NOTCH4: variants seen among roughly 807,000 people sequenced by gnomAD.
NOTCH4 encodes notch receptor 4.
Under a neutral mutation model 189.0 loss-of-function variants are expected in NOTCH4, and 138 were observed. The ratio of observed to expected loss-of-function variants is 0.73; its 90% CI spans 0.64 to 0.84. NOTCH4 has a LOEUF of 0.84. Ranked by LOEUF, NOTCH4 falls within the 40% of genes least tolerant of loss-of-function variation. The pLI, the probability that NOTCH4 is intolerant of heterozygous loss-of-function variation, is 0.00. For synonymous variants in NOTCH4, 942 were observed against 1,032.8 expected, an observed-to-expected ratio of 0.91 and a Z score of 1.69; for missense variants, 2,286 against 2,605.4, an observed-to-expected ratio of 0.88 and a Z score of 2.67.
chr6:32,206,826 T>A (rs1028614428), intron 18 of NOTCH4, among the ~76,000 whole-genome samples: 5 of 152,148 alleles, frequency 3.3e-5, no homozygotes, highest in Admixed American at 3.3e-4. Flanking sequence ...CAAAACAGCA[T>A]GGTGCTGGCA....
rs761090341 is a variant in NOTCH4 at position 32,197,609 on chromosome 6, G to C, written c.4757-15C>G. The stretch of plus-strand genomic sequence containing the variant: ...TGTCACCCCATCTGTTGGTAAGACA[G>C]AGTAATGGGTCAATCTAAAGGACAC... On this transcript the variant is annotated splice_polypyrimidine_tract_variant and intron_variant, in intron 26 of 29. Coordinates refer to ENST00000375023, the MANE Select transcript of NOTCH4 (RefSeq NM_004557.4). 3 of 1,598,730 alleles carry C rather than the reference G, an allele frequency of 1.9e-6. No homozygotes were observed. In the South Asian group the frequency reaches 3.4e-5, roughly 18 times the overall value.
At position 32,210,624 on chromosome 6, in the gene NOTCH4, G is replaced by T; in HGVS notation, c.2865+128C>A. 5.9e-6 allele frequency: 5 copies of T among 851,378 alleles called. No homozygotes were observed. Among genetic ancestry groups the T allele is most frequent in the Non-Finnish European group, 7.5e-6 (4 of 534,392 alleles). The allele number at this position is 851,378 out of a possible 1,614,324, so 52.7% of individuals were successfully genotyped here. A position where few individuals can be genotyped will look rare whatever the true frequency, so the allele number is the denominator to read the frequency against. ...AAGTGGCATGACTTTGTGGTTAGTT[G>T]GGTGTGTGGGGTTAAAAAAAATAAA... On this transcript the variant is annotated intron_variant, in intron 18 of 29. Transcript: ENST00000375023. This position sits in a 1 kb window ranked among gnomAD's most constrained non-coding sequence, Gnocchi z 4.8.
Position 32,212,543 on chromosome 6 carries a change from G to T in NOTCH4, c.2611C>A (p.Leu871Ile), listed in dbSNP as rs1491000225. The T allele has an allele frequency of 6.2e-7, 1 of 1,613,108 alleles. No homozygotes were observed. The highest frequency in any genetic ancestry group is 8.5e-7 in the Non-Finnish European group (1 of 1,179,998). The change falls in exon 17 of 30, where the codon CTC becomes ATC. Residue 871 changes from leucine to isoleucine, a missense_variant. By Grantham distance (5) the Leu-to-Ile change is conservative. This residue lies in a region of NOTCH4 where 1,903 missense variants were observed against 2,261.9 expected (regional missense o/e 0.84). Transcript: ENST00000375023. This position sits in a 1 kb window ranked among gnomAD's most constrained non-coding sequence, Gnocchi z 4.4. Reference protein sequence around the residue: ...QTGPSFHCLCLQGWTGPLCNL... With the variant: ...QTGPSFHCLCIQGWTGPLCNL... ...CAGAGAGGCCCGGTCCATCCCTGGA[G>T]GCACAAGCAGTGGAAGGAGGGCCCA...
chr6:32,202,359 G>A lies in NOTCH4; in HGVS notation c.3472C>T (p.Arg1158Ter), dbSNP rs771019003. Residue 1158 changes from arginine (R) to a stop codon, truncating the protein, a stop_gained, in exon 21 of 30, where the codon CGA (arginine) becomes TGA (stop). Coordinates refer to ENST00000375023, the MANE Select transcript of NOTCH4 (RefSeq NM_004557.4). LOFTEE classifies it high-confidence loss of function. The surrounding 1 kb of genome is among the most constrained non-coding windows in gnomAD (Gnocchi z 5.7). The part of the protein sequence containing the change: ...ETTGLGGPGF[R>*]CSCPHSSPGP... ...GGAGAGCTGTGAGGGCAGGAGCATC[G>A]AAAGCCTGGGCCCCCCAAGCCCGTG... 9.1e-5 allele frequency: 147 copies of A among 1,612,680 alleles called. No homozygotes were observed. Among genetic ancestry groups the A allele is most frequent in the Non-Finnish European group, 1.2e-4 (137 of 1,179,948 alleles).
intron 18 of NOTCH4, among the ~76,000 whole-genome samples, chr6:32,207,998 C>G (rs1313104222): frequency 3.3e-5 from 3 of 90,694 alleles, no homozygotes; most frequent in Non-Finnish European, 6.5e-5. Flanking sequence ...TGCAAGACTC[C>G]TTCTCAAAAA....
Position 32,210,678 on chromosome 6 carries a change from C to T in NOTCH4, c.2865+74G>A. On this transcript the variant is annotated intron_variant, in intron 18 of 29. Coordinates refer to ENST00000375023, the MANE Select transcript of NOTCH4 (RefSeq NM_004557.4). The surrounding 1 kb of genome is among the most constrained non-coding windows in gnomAD (Gnocchi z 4.8). The stretch of plus-strand genomic sequence containing the variant: ...AGGTGAAATGGATACATTGGGTCTT[C>T]CCTCAGTCACTACTGTCTCTCCCAT... 2.1e-6 allele frequency: 3 copies of T among 1,433,566 alleles called. No individual in the cohort carries two copies. The highest frequency in any genetic ancestry group is 1.7e-5 in the Admixed American group (1 of 57,648). The allele number at this position is 1,433,566 out of a possible 1,614,324, so 88.8% of individuals were successfully genotyped here.
Position 32,220,517 on chromosome 6 carries a change from G to GC in NOTCH4, c.1046dup (p.Thr350HisfsTer4), listed in dbSNP as rs766348245. 2 of 1,613,366 alleles carry GC rather than the reference G, an allele frequency of 1.2e-6. No individual in the cohort carries two copies. On this transcript the variant is annotated frameshift_variant, in exon 6 of 30. Coordinates refer to ENST00000375023, the MANE Select transcript of NOTCH4 (RefSeq NM_004557.4). LOFTEE classifies it high-confidence loss of function. ...CATCCAGGTTCTCCTCACAGCTTGT[G>GC]CCGCCCCAGCCACTCACACACACGC...
At position 32,220,983 on chromosome 6, in the gene NOTCH4, G is replaced by T. The variant is rs1490426449; in HGVS notation, c.794C>A (p.Pro265His). 15 of 1,600,840 alleles carry T rather than the reference G, an allele frequency of 9.4e-6. No individual in the cohort carries two copies. The highest frequency in any genetic ancestry group is 1.1e-5 in the Non-Finnish European group (13 of 1,172,278). ...KDSTFHLCLC[P>H]PGFIGPDCEV... Reference sequence around the variant, plus strand: ...GAGCCCCTGTGAGGACACACCTGGGGGACAGAGGCAGAGGTGAAAGGTGGA... The same window carrying T: ...GAGCCCCTGTGAGGACACACCTGGGTGACAGAGGCAGAGGTGAAAGGTGGA... The change falls in exon 4 of 30, where the codon CCC (proline) becomes CAC (histidine). Residue 265 changes from proline to histidine, a missense_variant. Physicochemically the swap from Pro to His is moderately conservative, Grantham distance 77. This residue lies in a region of NOTCH4 where 1,903 missense variants were observed against 2,261.9 expected (regional missense o/e 0.84). Coordinates refer to ENST00000375023, the MANE Select transcript of NOTCH4 (RefSeq NM_004557.4).
Position 32,202,000 on chromosome 6 carries a change from T to C in NOTCH4, c.3755+76A>G. The C allele has an allele frequency of 7.4e-7, 1 of 1,353,008 alleles. No homozygotes were observed. Among genetic ancestry groups the C allele is most frequent in the Non-Finnish European group, 9.7e-7 (1 of 1,032,460 alleles). The allele number at this position is 1,353,008 out of a possible 1,614,324, so 83.8% of individuals were successfully genotyped here. ...CCCAAGGCTGTGGCCACACTGTAAC[T>C]CAGAGCCATCTACGTCCTTCCTCCT... On this transcript the variant is annotated intron_variant, in intron 21 of 29. Coordinates refer to ENST00000375023, the MANE Select transcript of NOTCH4 (RefSeq NM_004557.4). This position sits in a 1 kb window ranked among gnomAD's most constrained non-coding sequence, Gnocchi z 5.5.
At chr6:32,197,916 G>T (rs1788060598) in intron 26 of NOTCH4, among the ~76,000 whole-genome samples, 1 of 150,684 alleles carries the variant, frequency 6.6e-6, no homozygotes, top group East Asian at 2.0e-4. Context: ...CCTCCTCCCA[G>T]GTTCACGCCA....
chr6:32,215,258 G>A lies in NOTCH4; in HGVS notation c.1989C>T (p.Asp663=). The A allele has an allele frequency of 6.2e-7, 1 of 1,604,850 alleles. No individual in the cohort carries two copies. The highest frequency in any genetic ancestry group is 8.5e-7 in the Non-Finnish European group (1 of 1,176,886). Residue 663 remains aspartate, a synonymous_variant, in exon 12 of 30, where the codon GAC becomes GAT. Coordinates refer to ENST00000375023, the MANE Select transcript of NOTCH4 (RefSeq NM_004557.4). ...DGSPGCAPPE[D]NCTCHHGHCQ... is the part of the protein sequence containing the mutation. ...AGTGCCCGTGGTGGCAGGTGCAGTT[G>A]TCCTCAGGTGGGGCACAGCCAGGGC...
Position 32,219,706 on chromosome 6 carries a change from C to T in NOTCH4, c.1396G>A (p.Gly466Ser). ...PGSFNCLCPP[G>S]YTGSRCEADH... is the part of the protein sequence containing the mutation. ...GCCTCACAACGGGAGCCTGTGTAGC[C>T]AGGTGGACAGAGGCAGTTGAAGGAG... The change falls in exon 8 of 30, where the codon GGC (glycine) becomes AGC (serine). Residue 466 changes from glycine (G) to serine (S), a missense_variant. By Grantham distance (56) the Gly-to-Ser change is moderately conservative. Transcript: ENST00000375023. The T allele has an allele frequency of 6.2e-7, 1 of 1,613,046 alleles. No homozygotes were observed. Among genetic ancestry groups the T allele is most frequent in the Non-Finnish European group, 8.5e-7 (1 of 1,179,986 alleles).
chr6:32,216,150 T>G (rs1789393765), intron 11 of NOTCH4: 1 of 151,322 alleles, frequency 6.6e-6, no homozygotes, highest in Non-Finnish European at 1.5e-5. Context: ...CCTCAGCCTC[T>G]GGAGTAGCTG....
At chr6:32,220,085 C>G (rs764687161) in intron 7 of NOTCH4, 44 bp downstream of exon 7, 1 of 1,596,214 alleles carries the variant, frequency 6.3e-7, no homozygotes, top group Admixed American at 1.8e-5. Context: ...AGTGCAGAGG[C>G]CTGTCTGAGG....
chr6:32,213,790 T>A lies in NOTCH4; in HGVS notation c.2218A>T (p.Asn740Tyr). Residue 740 changes from asparagine (N) to tyrosine (Y), a missense_variant, in exon 14 of 30, where the codon AAT becomes TAT. Physicochemically the swap from Asn to Tyr is moderately radical, Grantham distance 143. Transcript: ENST00000375023. ...GGGCTAGGGTTGCAGGAGCCGCCAT[T>A]GAGACATGGCCCTGAGTGACAAGCT... ...MTACHSGPCL[N>Y]GGSCNPSPGG... 6.2e-7 allele frequency: 1 copy of A among 1,611,728 alleles called. No homozygotes were observed. The highest frequency in any genetic ancestry group is 8.5e-7 in the Non-Finnish European group (1 of 1,179,728).
At position 32,196,409 on chromosome 6, in the gene NOTCH4, A is replaced by T. The variant is rs756361364; in HGVS notation, c.5213T>A (p.Leu1738Gln). Residue 1738 changes from leucine to glutamine, a missense_variant, in exon 29 of 30, where the codon CTG (leucine) becomes CAG (glutamine). By Grantham distance (113) the Leu-to-Gln change is moderately radical. Transcript: ENST00000375023. ...GARDKWGKTA[L>Q]HWAAAVNNAR... ...GTTGTTCACGGCAGCAGCCCAGTGC[A>T]GCGCAGTTTTCCCTAGGGGACGACG... is the stretch of plus-strand genomic sequence containing the variant. 2 of 1,612,990 alleles carry T rather than the reference A, an allele frequency of 1.2e-6. No homozygotes were observed. The highest frequency in any genetic ancestry group is 1.7e-6 in the Non-Finnish European group (2 of 1,179,988).
In NOTCH4 at chr6:32,195,136, A is replaced by G; in HGVS notation, c.*301T>C. 2.3e-6 allele frequency: 1 copy of G among 436,586 alleles called. No homozygotes were observed. 27.0% of individuals were successfully genotyped at this position (436,586 alleles called of 1,614,324 possible). On this transcript the variant is annotated 3_prime_UTR_variant, in exon 30 of 30. Transcript: ENST00000375023. The surrounding 1 kb of genome is among the most constrained non-coding windows in gnomAD (Gnocchi z 5.4). Reference sequence around the variant, plus strand: ...TAGGAAAGAACATCTTACATCCCATATGCCTGCAATTCTTGGTTCCAACTT... The same window carrying G: ...TAGGAAAGAACATCTTACATCCCATGTGCCTGCAATTCTTGGTTCCAACTT...
rs1173969643 is a variant in NOTCH4 at position 32,195,304 on chromosome 6, T to C, written c.*133A>G. 1 of 807,742 alleles carries C rather than the reference T, an allele frequency of 1.2e-6. No individual in the cohort carries two copies. Among genetic ancestry groups the C allele is most frequent in the African/African-American group, 1.7e-5 (1 of 57,850 alleles). 50.0% of individuals were successfully genotyped at this position (807,742 alleles called of 1,614,324 possible). A position where few individuals can be genotyped will look rare whatever the true frequency, so the allele number is the denominator to read the frequency against. On this transcript the variant is annotated 3_prime_UTR_variant, in exon 30 of 30. Transcript: ENST00000375023. The surrounding 1 kb of genome is among the most constrained non-coding windows in gnomAD (Gnocchi z 5.4). ...TGGAAGATGTCTGCTCTGGTGGGCA[T>C]ACATTCATTTTAGGAGAGAAACTAA... is the stretch of plus-strand genomic sequence containing the variant.
rs543165725 is a variant in NOTCH4, at chr6:32,196,402, C to T, written c.5220G>A (p.Trp1740Ter). 4.3e-6 allele frequency: 7 copies of T among 1,613,108 alleles called. No homozygotes were observed. In the Admixed American group the frequency reaches 1.2e-4, roughly 27 times the overall value. The change falls in exon 29 of 30, where the codon TGG becomes TGA. Residue 1740 changes from tryptophan to a stop codon, truncating the protein, a stop_gained. Coordinates refer to ENST00000375023, the MANE Select transcript of NOTCH4 (RefSeq NM_004557.4). LOFTEE classifies it high-confidence loss of function. ...RDKWGKTALH[W>*]AAAVNNARAA... The stretch of plus-strand genomic sequence containing the variant: ...CTCGGGCGTTGTTCACGGCAGCAGC[C>T]CAGTGCAGCGCAGTTTTCCCTAGGG...
Sources: allele counts gnomAD v4.1 joint callset (sites outside exome capture counted in the v4.1 genomes callset), GRCh38; gene constraint gnomAD v4.1.1; regional missense constraint gnomAD v4.1.1; non-coding constraint Gnocchi (gnomAD v3.1); transcripts MANE v1.5; gene names NCBI Gene and HGNC (gene_info 2026-07-23, HGNC 2026-07-21).